Variants in PRSS3 observed in about 807,000 individuals in gnomAD.
The protein encoded by PRSS3 is serine protease 3.
A neutral mutation model predicts 20.8 loss-of-function variants in PRSS3; 14 were observed. That is an observed-to-expected ratio of 0.67 (90% confidence interval 0.44 to 1.05). PRSS3 has a LOEUF of 1.05. Among genes scored for constraint, PRSS3 ranks in the 50% least tolerant of loss-of-function variants. The probability of loss-of-function intolerance (pLI) is 0.00; values close to 1 mark genes in which losing one functional copy is unlikely to be tolerated. For missense variants in PRSS3, 237 were observed against 306.4 expected (o/e 0.77, Z 1.69); for synonymous variants, 91 against 117.6 (o/e 0.77, Z 1.46).
At chr9:33,773,060 C>T (rs1181631854) in intron 1 of PRSS3, among the ~76,000 whole-genome samples, 2 of 152,186 alleles carry the variant, frequency 1.3e-5, no homozygotes, top group Non-Finnish European at 2.9e-5. Flanking sequence ...ATGGCATCAA[C>T]CATAATTTCT....
intron 1 of PRSS3, among the ~76,000 whole-genome samples, chr9:33,773,788 G>A (rs1823805954): frequency 6.6e-6 from 1 of 151,922 alleles, no homozygotes; most frequent in Non-Finnish European, 1.5e-5. Flanking sequence ...GGACTACGGC[G>A]TGCCCTTCCA....
intron 1 of PRSS3, among the ~76,000 whole-genome samples, chr9:33,760,783 CTA>C (rs1823163046): frequency 6.6e-6 from 1 of 150,822 alleles, no homozygotes; most frequent in African/African-American, 2.4e-5. Context: ...CCCTGAGAGG[CTA>C]TGTGTCTTGC....
In PRSS3 at chr9:33,758,340, A is replaced by T. The variant is rs1823044466; in HGVS notation, c.-53+7613A>T. 2.0e-5 allele frequency among the ~76,000 whole-genome samples: 3 copies of T among 152,344 alleles called. No individual in the cohort carries two copies. The South Asian group carries it at 6.2e-4, about 32-fold the overall frequency. On this transcript the variant is annotated intron_variant, in intron 1 of 5. Transcript: ENST00000342836. ...TCTCTCTTCTGGCCATTACTGAGAT[A>T]GCTCCTGCTCTGGTCTCACTGGGGC...
chr9:33,758,781 A>G (rs1823060585), intron 1 of PRSS3, among the ~76,000 whole-genome samples: 1 of 152,216 alleles, frequency 6.6e-6, no homozygotes, highest in Admixed American at 6.5e-5. Flanking sequence ...ACCAATGGCT[A>G]GATTTAGGAG....
intron 2 of PRSS3, among the ~76,000 whole-genome samples, chr9:33,797,445 G>A (rs1163573615): frequency 6.6e-6 from 1 of 152,260 alleles, no homozygotes; most frequent in Non-Finnish European, 1.5e-5. Context: ...CAAGAAGGGA[G>A]GGAGGAACAG....
rs567642831 is a variant in PRSS3 at position 33,751,119 on chromosome 9, C to G, written c.-53+392C>G. On this transcript the variant is annotated intron_variant, in intron 1 of 5. Coordinates refer to the PRSS3 transcript ENST00000342836. ...CAGGGTGAGGGGAAGGTGTGAAGCC[C>G]CGGGCCTCCGTCTGCCCCGTGAGTC... Among the ~76,000 whole-genome samples the G allele has an allele frequency of 7.5e-4, 114 of 152,334 alleles. 1 individual carries two copies. The highest frequency in any genetic ancestry group is 7.4e-5 in the Non-Finnish European group (5 of 68,022).
chr9:33,795,421 C>G, upstream of PRSS3: 1 of 1,070,656 alleles, frequency 9.3e-7, no homozygotes, highest in Non-Finnish European at 1.4e-6. Flanking sequence ...CCAAACGTAG[C>G]CGAGCTGATG....
At chr9:33,792,475 A>C (rs1824678647), upstream of PRSS3, among the ~76,000 whole-genome samples, 1 of 152,246 alleles carries the variant, frequency 6.6e-6, no homozygotes, top group Non-Finnish European at 1.5e-5. Context: ...AAGTCATTTG[A>C]ACTCTGAGTT....
At chr9:33,779,856 G>A (rs577960014) in intron 1 of PRSS3, among the ~76,000 whole-genome samples, 45 of 106,984 alleles carry the variant, frequency 4.2e-4, no homozygotes, top group African/African-American at 1.3e-3. Flanking sequence ...GTGACAGAGC[G>A]AGACTCTGTC....
chr9:33,769,588 T>C (rs1312050053), intron 1 of PRSS3, among the ~76,000 whole-genome samples: 1 of 152,224 alleles, frequency 6.6e-6, no homozygotes, highest in Non-Finnish European at 1.5e-5. Flanking sequence ...AGTACAGCGA[T>C]ATGGCTATGA....
chr9:33,756,088 A>G (rs1347032837), intron 1 of PRSS3, among the ~76,000 whole-genome samples: 2 of 152,182 alleles, frequency 1.3e-5, no homozygotes, highest in African/African-American at 4.8e-5. Context: ...TTCAGGCCCC[A>G]TAAGAGGCGG....
At chr9:33,793,363 C>G (rs1227167261), upstream of PRSS3, among the ~76,000 whole-genome samples, 2 of 152,112 alleles carry the variant, frequency 1.3e-5, no homozygotes, top group Non-Finnish European at 2.9e-5. Context: ...GACAAGGGGA[C>G]AAAATGAAAC....
chr9:33,766,306 G>A (rs1406942497), intron 1 of PRSS3, among the ~76,000 whole-genome samples: 1 of 150,096 alleles, frequency 6.7e-6, no homozygotes, highest in Admixed American at 6.7e-5. Flanking sequence ...GGGGGCGGTG[G>A]CTCACGCCTG....
chr9:33,797,774 G>A (rs1177645189), intron 2 of PRSS3, 55 bp from the exon 3 acceptor site: 7 of 1,614,152 alleles, frequency 4.3e-6, no homozygotes, highest in Non-Finnish European at 5.9e-6. Flanking sequence ...GGGAAGGTGG[G>A]AGGGGTGCCC....
chr9:33,771,645 GTTTT>G (rs112204565), intron 1 of PRSS3, among the ~76,000 whole-genome samples: 1 of 78,700 alleles, frequency 1.3e-5, no homozygotes, highest in Non-Finnish European at 2.9e-5. Context: ...TTGTTTTTTT[GTTTT>G]TTTTTTTTTT....
intron 1 of PRSS3, among the ~76,000 whole-genome samples, chr9:33,757,422 T>G (rs887373548): frequency 6.6e-6 from 1 of 152,108 alleles, no homozygotes; most frequent in African/African-American, 2.4e-5. Flanking sequence ...ATCCATGCAA[T>G]TTTTCCCTTG....
chr9:33,798,023 C>A lies in PRSS3; in HGVS notation c.395C>A (p.Pro132His), dbSNP rs1825096131. The A allele has an allele frequency of 1.2e-6, 2 of 1,614,172 alleles. No individual in the cohort carries two copies. The highest frequency in any genetic ancestry group is 2.2e-5 in the South Asian group (2 of 91,094). The change falls in exon 3 of 5, where the codon CCT becomes CAT. Residue 132 changes from proline to histidine, a missense_variant. Transcript: ENST00000379405. The stretch of plus-strand genomic sequence containing the variant: ...TCCACCATCTCTCTGCCCACCACCC[C>A]TCCAGCTGCTGGCACTGAGTGCCTC... ...RVSTISLPTT[P>H]PAAGTECLIS...
intron 1 of PRSS3, among the ~76,000 whole-genome samples, chr9:33,751,015 C>G (rs1379943114): frequency 6.6e-6 from 1 of 152,080 alleles, no homozygotes; most frequent in Non-Finnish European, 1.5e-5. Flanking sequence ...TCCCACCGCC[C>G]CCGAGTGCCT....
At chr9:33,768,998 G>A (rs182417729) in intron 1 of PRSS3, among the ~76,000 whole-genome samples, 31 of 152,298 alleles carry the variant, frequency 2.0e-4, no homozygotes, top group Non-Finnish European at 4.3e-4. Flanking sequence ...TGAGAACATG[G>A]TATTAGAAAC....
Sources: allele counts gnomAD v4.1 joint callset (sites outside exome capture counted in the v4.1 genomes callset), GRCh38; gene constraint gnomAD v4.1.1; transcripts MANE v1.5; gene names NCBI Gene and HGNC (gene_info 2026-07-23, HGNC 2026-07-21).